The following CCDC66 variants were observed in gnomAD, a reference collection of about 807,000 sequenced individuals.
CCDC66 encodes the protein coiled-coil domain containing 66, also known as coiled-coil domain-containing protein 66.
Under a neutral mutation model 128.3 loss-of-function variants are expected in CCDC66, and 133 were observed. The observed-to-expected ratio is 1.04, with a 90% CI of 0.90 to 1.20. The LOEUF is 1.20. Among genes scored for constraint, CCDC66 ranks in the 50% most tolerant of loss-of-function variants. The probability of loss-of-function intolerance (pLI) is 0.00; values close to 1 mark genes in which losing one functional copy is unlikely to be tolerated. For missense variants in CCDC66, 1,126 were observed against 1,075.5 expected (o/e 1.05, Z -0.66); for synonymous variants, 387 against 357.0 (o/e 1.08, Z -0.95).
intron 10 of CCDC66, among the ~76,000 whole-genome samples, chr3:56,595,200 G>A (rs1358588731): frequency 2.0e-5 from 3 of 152,162 alleles, no homozygotes; most frequent in Non-Finnish European, 4.4e-5. Context: ...TTCAGCCAGA[G>A]TATTCTGGTA....
In CCDC66 at chr3:56,563,967, T is replaced by C. The variant is rs1308982889; in HGVS notation, c.386T>C (p.Leu129Pro). ...QKTRNTVNTS[L>P]VGKQKPHKKH... ...ACTAGAAACACCGTAAATACATCTC[T>C]AGTAGGTAAACAGAAGCCTCACAAA... Residue 129 changes from leucine (L) to proline (P), a missense_variant, in exon 4 of 18, where the codon CTA (leucine) becomes CCA (proline). By Grantham distance (98) the Leu-to-Pro change is moderately conservative. Coordinates refer to ENST00000394672, the MANE Select transcript of CCDC66 (RefSeq NM_001141947.3). 1 of 1,613,730 alleles carries C rather than the reference T, an allele frequency of 6.2e-7. No homozygotes were observed. Among genetic ancestry groups the C allele is most frequent in the South Asian group, 1.1e-5 (1 of 91,076 alleles).
intron 7 of CCDC66, among the ~76,000 whole-genome samples, chr3:56,573,194 C>A (rs1414174545): frequency 1.3e-5 from 2 of 152,086 alleles, no homozygotes; most frequent in Admixed American, 1.3e-4. Flanking sequence ...TAATCCATAC[C>A]ATGATTGTTA....
At chr3:56,616,941 G>T in intron 13 of CCDC66, 171 bp from the exon 14 acceptor site, 2 of 469,072 alleles carry the variant, frequency 4.3e-6, no homozygotes, top group Non-Finnish European at 3.7e-6. Flanking sequence ...GGCTGCCAGT[G>T]GTTGGGAGTA....
In CCDC66 at chr3:56,563,871, AACAATGTATAG is replaced by A; in HGVS notation, c.292_302del (p.Gln98Ter). On this transcript the variant is annotated frameshift_variant, in exon 4 of 18. Coordinates refer to ENST00000394672, the MANE Select transcript of CCDC66 (RefSeq NM_001141947.3). LOFTEE classifies it high-confidence loss of function. ...TTTTCATCCACTAAGGATTTATGTA[AACAATGTATAG>A]ATAAAGACTGTCTTCATATCCAGAA... The A allele has an allele frequency of 6.2e-7, 1 of 1,603,202 alleles. No individual in the cohort carries two copies.
intron 6 of CCDC66, chr3:56,569,485 A>C (rs2066338962): frequency 6.1e-6 from 1 of 163,236 alleles, no homozygotes; most frequent in Non-Finnish European, 1.4e-5. Context: ...GGGAGAACTC[A>C]AGCATCATCC....
chr3:56,572,495 C>G (rs1402800796), intron 7 of CCDC66: 2 of 660,032 alleles, frequency 3.0e-6, no homozygotes, highest in East Asian at 1.7e-4. Context: ...ACCTATTTTC[C>G]TTGAAGGAGA....
chr3:56,557,513 C>T (rs752356265), intron 1 of CCDC66, among the ~76,000 whole-genome samples: 1 of 152,106 alleles, frequency 6.6e-6, no homozygotes, highest in Non-Finnish European at 1.5e-5. Context: ...CCTTATTTAC[C>T]TCAGGATGAG....
intron 7 of CCDC66, among the ~76,000 whole-genome samples, chr3:56,587,456 C>T (rs1260705331): frequency 6.7e-6 from 1 of 150,274 alleles, no homozygotes; most frequent in Non-Finnish European, 1.5e-5. Context: ...TGGTGGAAGG[C>T]AAAATGGAAG....
intron 10 of CCDC66, among the ~76,000 whole-genome samples, chr3:56,607,979 A>G (rs1009260553): frequency 6.6e-6 from 1 of 152,216 alleles, no homozygotes; most frequent in Non-Finnish European, 1.5e-5. Context: ...CCCTGGTATG[A>G]AACCCACTTG....
chr3:56,571,148 T>C, intron 6 of CCDC66, 33 bp from the exon 7 acceptor site: 1 of 1,436,114 alleles, frequency 7.0e-7, no homozygotes, highest in Non-Finnish European at 9.5e-7. Context: ...TTACAGTTTT[T>C]GTACATTTTT....
Position 56,593,614 on chromosome 3 carries a change from A to G in CCDC66, c.1192A>G (p.Thr398Ala), listed in dbSNP as rs765520941. The change falls in exon 9 of 18, where the codon ACT becomes GCT. Residue 398 changes from threonine to alanine, a missense_variant. Thr to Ala is a moderately conservative substitution (Grantham distance 58). Transcript: ENST00000394672. ...TGAGTACTTCTGTGTCTCTCCTGAC[A>G]CTCAGGAGCTGGCTGATGTCAGCAG... Reference protein sequence around the residue: ...QPEYFCVSPDTQELADVSSVC... With the variant: ...QPEYFCVSPDAQELADVSSVC... 1.2e-6 allele frequency: 2 copies of G among 1,614,172 alleles called. No individual in the cohort carries two copies. Among genetic ancestry groups the G allele is most frequent in the Non-Finnish European group, 1.7e-6 (2 of 1,180,024 alleles).
chr3:56,583,986 C>A (rs1267308075), intron 7 of CCDC66, among the ~76,000 whole-genome samples: 1 of 137,914 alleles, frequency 7.3e-6, no homozygotes, highest in Non-Finnish European at 1.6e-5. Context: ...CCCCACCTCC[C>A]TCCCGGACGG....
chr3:56,619,373 G>C lies in CCDC66; in HGVS notation c.2481G>C (p.Leu827Phe), dbSNP rs2076032860. The change falls in exon 16 of 18, where the codon TTG (leucine) becomes TTC (phenylalanine). Residue 827 changes from leucine (L) to phenylalanine (F), a missense_variant. Transcript: ENST00000394672. ...ACAGTAGCTATGAGAGAGAGAATTT[G>C]ATCTCAGGAAGTAATCAAACAGAAT... is the stretch of plus-strand genomic sequence containing the variant. ...LKNSSYEREN[L>F]ISGSNQTELS... The C allele has an allele frequency of 5.6e-6, 9 of 1,613,680 alleles. No homozygotes were observed. The East Asian group carries it at 1.8e-4, about 32-fold the overall frequency.
chr3:56,620,015 A>C, intron 17 of CCDC66, 114 bp downstream of exon 17: 1 of 1,141,498 alleles, frequency 8.8e-7, no homozygotes, highest in South Asian at 1.8e-5. Flanking sequence ...GATTTAACAA[A>C]AATATTTCAG....
At chr3:56,619,051 C>T (rs960987173) in intron 15 of CCDC66, 20 of 419,800 alleles carry the variant, frequency 4.8e-5, no homozygotes, top group Non-Finnish European at 8.0e-5. Flanking sequence ...AACCCCGTCT[C>T]TACTAAAAAT....
intron 7 of CCDC66, among the ~76,000 whole-genome samples, chr3:56,592,649 G>C (rs1389482637): frequency 6.6e-6 from 1 of 151,982 alleles, no homozygotes; most frequent in East Asian, 1.9e-4. Context: ...ATAGTCATGA[G>C]CTGCTGCATC....
intron 7 of CCDC66, among the ~76,000 whole-genome samples, chr3:56,585,698 A>G (rs114005252): frequency 4.6e-5 from 7 of 152,016 alleles, no homozygotes; most frequent in Admixed American, 2.6e-4. Flanking sequence ...TAGTATAGCA[A>G]TATTTATAAG....
chr3:56,584,580 C>T (rs181281367), intron 7 of CCDC66, among the ~76,000 whole-genome samples: 2,387 of 150,288 alleles, frequency 0.016, 32 homozygotes, highest in Middle Eastern at 0.027. Flanking sequence ...GGATGGCGGC[C>T]GGGAAGAGGC....
intron 7 of CCDC66, among the ~76,000 whole-genome samples, chr3:56,583,300 T>TTGTTTG (rs2068756235): frequency 6.6e-6 from 1 of 151,924 alleles, no homozygotes; most frequent in South Asian, 2.1e-4. Flanking sequence ...TAAGAGGTTT[T>TTGTTTG]TGTTTGTTTG....
Sources: gnomAD v4.1 joint callset for allele counts (sites outside exome capture counted in the v4.1 genomes callset) on GRCh38, gnomAD v4.1.1 for gene constraint, MANE v1.5 for transcripts, NCBI Gene and HGNC (gene_info 2026-07-23, HGNC 2026-07-21) for gene names.